Variants in CSMD1 observed in about 807,000 individuals in gnomAD.
The protein encoded by CSMD1 is CUB and sushi domain-containing protein 1.
CSMD1 carries 213 observed loss-of-function variants against 417.5 expected under a neutral mutation model. The ratio of observed to expected loss-of-function variants is 0.51; its 90% CI spans 0.46 to 0.57. CSMD1 has a LOEUF of 0.57. CSMD1 is among the 20% of genes least tolerant of loss of function. CSMD1 has a pLI of 0.00. For missense variants in CSMD1, 6,923 were observed against 4,529.7 expected (o/e 1.53, Z -15.17); for synonymous variants, 2,862 against 1,736.8 (o/e 1.65, Z -16.11).
At chr8:2,944,563 C>G (rs628888) in intron 68 of CSMD1, among the ~76,000 whole-genome samples, 127,787 of 152,222 alleles carry the variant, frequency 0.84, 53,774 homozygotes, top group East Asian at 0.93. Context: ...AAAAATGTAA[C>G]TTTCCTGAAG....
chr8:4,342,758 T>A (rs927723667), intron 3 of CSMD1, among the ~76,000 whole-genome samples: 12 of 151,850 alleles, frequency 7.9e-5, no homozygotes, highest in African/African-American at 2.9e-4. Context: ...GAAGACGTGT[T>A]AAAAAGAAAA....
chr8:3,284,123 G>A, intron 26 of CSMD1, 21 bp downstream of exon 26: 10 of 1,540,200 alleles, frequency 6.5e-6, no homozygotes, highest in Non-Finnish European at 8.8e-6. Flanking sequence ...AGGTAAAGAA[G>A]AAGCACGCTG....
At chr8:4,411,643 C>G (rs748823153) in intron 3 of CSMD1, among the ~76,000 whole-genome samples, 6 of 152,118 alleles carry the variant, frequency 3.9e-5, no homozygotes, top group Admixed American at 3.3e-4. Flanking sequence ...CCATTCTTCT[C>G]AAACCTAATT....
At chr8:3,325,802 C>T (rs551785176) in intron 23 of CSMD1, among the ~76,000 whole-genome samples, 300 of 152,086 alleles carry the variant, frequency 2.0e-3, no homozygotes, top group Non-Finnish European at 3.1e-3. Flanking sequence ...CCAGCCTGGG[C>T]GACAGAGTGA....
intron 4 of CSMD1, among the ~76,000 whole-genome samples, chr8:4,011,723 T>A (rs1816551761): frequency 6.6e-6 from 1 of 152,144 alleles, no homozygotes; most frequent in Admixed American, 6.5e-5. Flanking sequence ...TAGTACGGAG[T>A]TATCAGCATA....
At chr8:4,533,469 C>T (rs1207761116) in intron 2 of CSMD1, among the ~76,000 whole-genome samples, 3 of 152,154 alleles carry the variant, frequency 2.0e-5, no homozygotes, top group Non-Finnish European at 1.5e-5. Flanking sequence ...AGGCCTAGAT[C>T]CTCCTATTAT....
intron 3 of CSMD1, among the ~76,000 whole-genome samples, chr8:4,198,731 C>T (rs1180139669): frequency 6.6e-6 from 1 of 152,014 alleles, no homozygotes; most frequent in African/African-American, 2.4e-5. Flanking sequence ...AATTGGTTTT[C>T]TTTGTAATCT....
intron 5 of CSMD1, among the ~76,000 whole-genome samples, chr8:3,958,871 A>T (rs1417647394): frequency 6.6e-6 from 1 of 152,216 alleles, no homozygotes; most frequent in Non-Finnish European, 1.5e-5. Context: ...ATGATAATGG[A>T]AAAAGAGAAC....
intron 1 of CSMD1, among the ~76,000 whole-genome samples, chr8:4,782,551 G>C (rs2117195683): frequency 6.6e-6 from 1 of 152,152 alleles, no homozygotes; most frequent in Non-Finnish European, 1.5e-5. Flanking sequence ...AGACATTTTA[G>C]TTTTGTGCCA....
At chr8:4,747,841 A>G (rs924646686) in intron 1 of CSMD1, among the ~76,000 whole-genome samples, 8 of 152,198 alleles carry the variant, frequency 5.3e-5, no homozygotes, top group African/African-American at 1.7e-4. Flanking sequence ...CTATTCATCA[A>G]CTGTTCAGGT....
chr8:3,509,852 G>T (rs1237617148), intron 10 of CSMD1, among the ~76,000 whole-genome samples: 1 of 152,132 alleles, frequency 6.6e-6, no homozygotes, highest in Non-Finnish European at 1.5e-5. Context: ...GCAATTATCA[G>T]GTTGGACCCA....
intron 7 of CSMD1, among the ~76,000 whole-genome samples, chr8:3,641,797 C>A (rs935201414): frequency 2.0e-5 from 3 of 152,212 alleles, no homozygotes; most frequent in Non-Finnish European, 4.4e-5. Flanking sequence ...TCTCAAAAAA[C>A]CATCTGTTGT....
At chr8:4,299,691 G>T (rs752694357) in intron 3 of CSMD1, among the ~76,000 whole-genome samples, 26 of 152,118 alleles carry the variant, frequency 1.7e-4, no homozygotes, top group Admixed American at 9.8e-4. Context: ...TGGATGCAGT[G>T]GCGATCTTGG....
intron 1 of CSMD1, among the ~76,000 whole-genome samples, chr8:4,909,125 G>T (rs117828496): frequency 0.016 from 2,395 of 152,256 alleles, 24 homozygotes; most frequent in Non-Finnish European, 0.024. Flanking sequence ...GGTGTCAGAG[G>T]ATTTGATTTT....
intron 3 of CSMD1, among the ~76,000 whole-genome samples, chr8:4,287,081 A>G (rs1218156678): frequency 6.6e-6 from 1 of 152,216 alleles, no homozygotes; most frequent in Non-Finnish European, 1.5e-5. Flanking sequence ...GAGAACAAAA[A>G]AGAGTTTCAA....
intron 26 of CSMD1, among the ~76,000 whole-genome samples, chr8:3,249,475 T>G (rs576192107): frequency 6.6e-6 from 1 of 152,256 alleles, no homozygotes; most frequent in Non-Finnish European, 1.5e-5. Flanking sequence ...CCGCCCACCT[T>G]GGCCTCCCAA....
At chr8:4,537,088 A>G (rs997608530) in intron 2 of CSMD1, among the ~76,000 whole-genome samples, 1 of 152,226 alleles carries the variant, frequency 6.6e-6, no homozygotes, top group Non-Finnish European at 1.5e-5. Flanking sequence ...TTCTATCAAA[A>G]TAGGGAAATG....
chr8:3,654,398 T>C (rs988678650), intron 7 of CSMD1, among the ~76,000 whole-genome samples: 2 of 152,266 alleles, frequency 1.3e-5, no homozygotes, highest in Non-Finnish European at 1.5e-5. Context: ...AGCAGAGATG[T>C]AAAGTACCCT....
chr8:3,645,831 G>A (rs1246492490), intron 7 of CSMD1, among the ~76,000 whole-genome samples: 1 of 152,176 alleles, frequency 6.6e-6, no homozygotes, highest in Non-Finnish European at 1.5e-5. Flanking sequence ...TGGGCTACAA[G>A]AAGAATCACT....
Sources: allele counts gnomAD v4.1 joint callset (sites outside exome capture counted in the v4.1 genomes callset), GRCh38; gene constraint gnomAD v4.1.1; transcripts MANE v1.5; gene names NCBI Gene and HGNC (gene_info 2026-07-23, HGNC 2026-07-21).